Variants in WDFY3 observed in about 807,000 individuals in gnomAD.
WDFY3 encodes the protein WD repeat and FYVE domain containing 3.
A neutral mutation model predicts 409.6 loss-of-function variants in WDFY3; 66 were observed. The observed-to-expected ratio is 0.16, with a 90% CI of 0.13 to 0.20. The LOEUF (loss-of-function observed/expected upper bound fraction) is 0.20, where lower values mean the gene tolerates loss of function less well. Ranked by LOEUF, WDFY3 falls within the 10% of genes least tolerant of loss-of-function variation. The pLI is 1.00. For missense variants in WDFY3, 3,031 were observed against 4,298.1 expected (o/e 0.71, Z 8.24); for synonymous variants, 1,521 against 1,537.1 (o/e 0.99, Z 0.25).
At chr4:84,820,255 G>T in intron 11 of WDFY3, 69 bp from the exon 12 acceptor site, 1 of 1,263,664 alleles carries the variant, frequency 7.9e-7, no homozygotes, top group Non-Finnish European at 1.1e-6. Flanking sequence ...CCGTTTTACT[G>T]TAATAATTTC....
chr4:84,754,593 A>T (rs1050266041), intron 34 of WDFY3, among the ~76,000 whole-genome samples: 1 of 152,218 alleles, frequency 6.6e-6, no homozygotes. Context: ...TAAATTGTAT[A>T]AACAAATCTG....
At chr4:84,929,421 T>A (rs147690672) in intron 2 of WDFY3, among the ~76,000 whole-genome samples, 2 of 152,000 alleles carry the variant, frequency 1.3e-5, no homozygotes, top group East Asian at 3.9e-4. Flanking sequence ...AGTTTTAATC[T>A]GAGAAGTTTT....
At chr4:84,841,437 T>C (rs934523208) in intron 5 of WDFY3, among the ~76,000 whole-genome samples, 174 bp from the exon 6 acceptor site, 1 of 152,224 alleles carries the variant, frequency 6.6e-6, no homozygotes, top group Non-Finnish European at 1.5e-5. Flanking sequence ...TAAACCTTTA[T>C]ATCATTAATA....
chr4:84,749,457 A>G lies in WDFY3; in HGVS notation c.5973+2026T>C, dbSNP rs1740104390. Among the ~76,000 whole-genome samples the G allele has an allele frequency of 1.3e-5, 2 of 152,220 alleles. 1 individual carries two copies. The highest frequency in any genetic ancestry group is 4.1e-4 in the South Asian group (2 of 4,832). On this transcript the variant is annotated intron_variant, in intron 36 of 67. Coordinates refer to ENST00000295888, the MANE Select transcript of WDFY3 (RefSeq NM_014991.6). The stretch of plus-strand genomic sequence containing the variant: ...ATGAAGTTAATAGTTAAATGATTCA[A>G]AAATACACTAAGCCTTACTTAATGT...
chr4:84,953,920 A>C (rs993768396), intron 1 of WDFY3, among the ~76,000 whole-genome samples: 1 of 152,150 alleles, frequency 6.6e-6, no homozygotes, highest in Non-Finnish European at 1.5e-5. Context: ...AATCGAAAAT[A>C]ATCTTTCTAC....
At chr4:84,907,496 G>A (rs150710308) in intron 2 of WDFY3, among the ~76,000 whole-genome samples, 48 of 152,230 alleles carry the variant, frequency 3.2e-4, no homozygotes, top group Admixed American at 1.7e-3. Context: ...AGCCATGTAC[G>A]TGAGCCATCC....
chr4:84,779,677 G>A (rs1023259934), intron 26 of WDFY3, among the ~76,000 whole-genome samples: 1 of 152,152 alleles, frequency 6.6e-6, no homozygotes, highest in African/African-American at 2.4e-5. Flanking sequence ...AGATGGTGGG[G>A]TGTGAGGTGG....
At chr4:84,731,067 G>A (rs909781010) in intron 44 of WDFY3, among the ~76,000 whole-genome samples, 2 of 152,126 alleles carry the variant, frequency 1.3e-5, no homozygotes, top group Non-Finnish European at 2.9e-5. Flanking sequence ...AAAGTGCTGG[G>A]ATTACAGGTG....
intron 1 of WDFY3, among the ~76,000 whole-genome samples, chr4:84,944,117 T>C (rs535629530): frequency 1.3e-5 from 2 of 152,360 alleles, no homozygotes; most frequent in South Asian, 2.1e-4. Context: ...CAAATACATA[T>C]GCTAAAACAA....
Position 84,757,166 on chromosome 4 carries a change from G to A in WDFY3, c.5189-5C>T, listed in dbSNP as rs1741604886. ...CACTTCTGCCCACGTTGAATCCTAAGAGAAGAGGAATATAACAGTAAGTGC... is the reference window on the plus strand; with the variant it reads ...CACTTCTGCCCACGTTGAATCCTAAAAGAAGAGGAATATAACAGTAAGTGC... On this transcript the variant is annotated splice_polypyrimidine_tract_variant and splice_region_variant and intron_variant, in intron 32 of 67. Coordinates refer to ENST00000295888, the MANE Select transcript of WDFY3 (RefSeq NM_014991.6). 1.9e-6 allele frequency: 3 copies of A among 1,611,800 alleles called. No individual in the cohort carries two copies. Among genetic ancestry groups the A allele is most frequent in the Admixed American group, 1.7e-5 (1 of 59,938 alleles).
intron 60 of WDFY3, among the ~76,000 whole-genome samples, chr4:84,690,883 A>G (rs191677190): frequency 6.6e-6 from 1 of 152,160 alleles, no homozygotes; most frequent in African/African-American, 2.4e-5. Flanking sequence ...CCATAACCAA[A>G]AAGGACTTTG....
intron 3 of WDFY3, among the ~76,000 whole-genome samples, chr4:84,875,336 T>C (rs1243279217): frequency 2.8e-5 from 4 of 144,736 alleles, no homozygotes; most frequent in African/African-American, 7.7e-5. Context: ...TGTAGAAAGA[T>C]AAAAAATGGT....
chr4:84,883,681 T>C (rs1031319961), intron 3 of WDFY3, among the ~76,000 whole-genome samples: 1 of 152,156 alleles, frequency 6.6e-6, no homozygotes, highest in African/African-American at 2.4e-5. Flanking sequence ...TGTCTCCTTT[T>C]ACATTTTACA....
At position 84,794,532 on chromosome 4, in the gene WDFY3, G is replaced by A. The variant is rs763394997; in HGVS notation, c.3474C>T (p.Leu1158=). 1.9e-6 allele frequency: 3 copies of A among 1,613,358 alleles called. No homozygotes were observed. The highest frequency in any genetic ancestry group is 1.7e-6 in the Non-Finnish European group (2 of 1,179,804). The change falls in exon 21 of 68, where the codon CTC becomes CTT. Residue 1158 remains leucine, a synonymous_variant. Transcript: ENST00000295888. ...AAAAATACTGACCATAATTTTGGAG[G>A]AGTTCCTCTTTGGTGGAAACAATCA... ...RSLIVSTKEE[L]LQNYVDDFSE...
chr4:84,831,077 C>T (rs888906835), intron 8 of WDFY3, among the ~76,000 whole-genome samples: 5 of 151,246 alleles, frequency 3.3e-5, no homozygotes, highest in African/African-American at 9.7e-5. Context: ...ATCCCAGCTA[C>T]TCAGGAGGCT....
At position 84,826,965 on chromosome 4, in the gene WDFY3, C is replaced by T; in HGVS notation, c.973G>A (p.Glu325Lys). The T allele has an allele frequency of 6.2e-7, 1 of 1,607,674 alleles. No homozygotes were observed. The highest frequency in any genetic ancestry group is 8.5e-7 in the Non-Finnish European group (1 of 1,178,328). The change falls in exon 10 of 68, where the codon GAG becomes AAG. Residue 325 changes from glutamate to lysine, a missense_variant. By Grantham distance (56) the Glu-to-Lys change is moderately conservative. Coordinates refer to ENST00000295888, the MANE Select transcript of WDFY3 (RefSeq NM_014991.6). ...DLLLRLEQAKEAESKDALKDL... is the reference protein window; with the variant it reads ...DLLLRLEQAKKAESKDALKDL... ...TTCAAGGCATCTTTGGATTCTGCCTCTTTTGCTTGTTCCAATCTAGAAAAG... is the reference window on the plus strand; with the variant it reads ...TTCAAGGCATCTTTGGATTCTGCCTTTTTTGCTTGTTCCAATCTAGAAAAG...
intron 10 of WDFY3, among the ~76,000 whole-genome samples, chr4:84,822,452 T>A (rs1234193543): frequency 6.6e-6 from 1 of 152,036 alleles, no homozygotes; most frequent in East Asian, 1.9e-4. Context: ...CCGGTAGTCC[T>A]AGCACTTTGG....
chr4:84,907,695 TA>T (rs941796171), intron 2 of WDFY3, among the ~76,000 whole-genome samples: 2 of 152,136 alleles, frequency 1.3e-5, no homozygotes, highest in Non-Finnish European at 2.9e-5. Context: ...CAGCAATAAG[TA>T]ATCTATATTC....
chr4:84,915,884 T>G (rs897981165), intron 2 of WDFY3, among the ~76,000 whole-genome samples: 1 of 152,206 alleles, frequency 6.6e-6, no homozygotes, highest in Admixed American at 6.5e-5. Flanking sequence ...TTTTGGCAAG[T>G]GCCACAAAAC....
Sources: allele counts gnomAD v4.1 joint callset (sites outside exome capture counted in the v4.1 genomes callset), GRCh38; gene constraint gnomAD v4.1.1; transcripts MANE v1.5; gene names NCBI Gene and HGNC (gene_info 2026-07-23, HGNC 2026-07-21).